KYNU: variants seen among roughly 807,000 people sequenced by gnomAD.
KYNU encodes the protein kynureninase.
KYNU carries 54 observed loss-of-function variants against 59.2 expected under a neutral mutation model. That is an observed-to-expected ratio of 0.91 (90% CI 0.73 to 1.14). The LOEUF (loss-of-function observed/expected upper bound fraction) is 1.14, where lower values mean the gene tolerates loss of function less well. Among genes scored for constraint, KYNU ranks in the 50% most tolerant of loss-of-function variants. The pLI is 0.00. For synonymous variants in KYNU, 177 were observed against 192.0 expected (o/e 0.92, Z 0.65); for missense variants, 567 against 554.4 (o/e 1.02, Z -0.23).
At chr2:142,912,986 C>T (rs1343440529) in intron 2 of KYNU, among the ~76,000 whole-genome samples, 1 of 152,166 alleles carries the variant, frequency 6.6e-6, no homozygotes, top group Non-Finnish European at 1.5e-5. Flanking sequence ...GCTGGGATTA[C>T]AGGCTGGAGC....
In KYNU at chr2:142,885,392, C is replaced by T. The variant is rs750469909; in HGVS notation, c.25C>T (p.Pro9Ser). 20 of 1,613,722 alleles carry T rather than the reference C, an allele frequency of 1.2e-5. No homozygotes were observed. Among genetic ancestry groups the T allele is most frequent in the Non-Finnish European group, 1.7e-5 (20 of 1,179,930 alleles). Residue 9 changes from proline (P) to serine (S), a missense_variant, in exon 2 of 14, where the codon CCG (proline) becomes TCG (serine). Pro to Ser is a moderately conservative substitution (Grantham distance 74). Transcript: ENST00000264170. ...AATGGAGCCTTCATCTCTTGAGCTG[C>T]CGGCTGACACAGTGCAGCGCATTGC... MEPSSLELPADTVQRIAAE... is the reference protein window; with the variant it reads MEPSSLELSADTVQRIAAE...
chr2:142,925,520 A>G (rs1272889112), intron 3 of KYNU, among the ~76,000 whole-genome samples: 1 of 152,210 alleles, frequency 6.6e-6, no homozygotes, highest in Admixed American at 6.5e-5. Flanking sequence ...TTCACATGTT[A>G]TCTCATTTAT....
intron 8 of KYNU, among the ~76,000 whole-genome samples, chr2:142,977,380 T>C (rs1262394963): frequency 6.7e-6 from 1 of 150,320 alleles, no homozygotes; most frequent in Non-Finnish European, 1.5e-5. Flanking sequence ...TGGATATATA[T>C]ATATATGAAT....
intron 8 of KYNU, among the ~76,000 whole-genome samples, chr2:142,978,313 A>G: frequency 6.6e-6 from 1 of 152,176 alleles, no homozygotes; most frequent in Admixed American, 6.6e-5. Flanking sequence ...CTTTTTAAAA[A>G]GTAATATTGT....
chr2:142,914,046 A>G (rs1353365265), intron 2 of KYNU, among the ~76,000 whole-genome samples: 1 of 152,206 alleles, frequency 6.6e-6, no homozygotes, highest in Non-Finnish European at 1.5e-5. Context: ...GCTGATGCCT[A>G]GCTGCTCAGG....
At chr2:143,027,486 C>T (rs990940598) in intron 10 of KYNU, among the ~76,000 whole-genome samples, 2 of 152,124 alleles carry the variant, frequency 1.3e-5, no homozygotes, top group African/African-American at 4.8e-5. Flanking sequence ...CTCCTGAATT[C>T]ATGGGGCACA....
At chr2:143,036,582 A>C (rs1364953792) in intron 12 of KYNU, among the ~76,000 whole-genome samples, 1 of 152,238 alleles carries the variant, frequency 6.6e-6, no homozygotes, top group African/African-American at 2.4e-5. Flanking sequence ...GGAGCTAAAA[A>C]CATAAAGTAT....
intron 11 of KYNU, among the ~76,000 whole-genome samples, chr2:143,032,006 GGT>G (rs937301818): frequency 6.6e-6 from 1 of 152,082 alleles, no homozygotes; most frequent in Non-Finnish European, 1.5e-5. Flanking sequence ...GGCCGGGCGT[GGT>G]GGCTCACGCC....
At chr2:142,930,432 G>A (rs1242130161) in intron 4 of KYNU, among the ~76,000 whole-genome samples, 2 of 152,140 alleles carry the variant, frequency 1.3e-5, no homozygotes, top group Non-Finnish European at 2.9e-5. Context: ...AGGGTCTCCA[G>A]ACTGCCATGA....
chr2:142,991,671 G>C (rs971362858), intron 10 of KYNU, among the ~76,000 whole-genome samples: 2 of 151,846 alleles, frequency 1.3e-5, no homozygotes, highest in African/African-American at 4.8e-5. Flanking sequence ...ATGGATGTGA[G>C]AACTCTTCTG....
At chr2:142,988,868 A>C (rs777811253) in intron 10 of KYNU, 3 of 1,608,564 alleles carry the variant, frequency 1.9e-6, no homozygotes, top group South Asian at 1.1e-5. Context: ...TTTAATTAGG[A>C]ATGGAATGCA....
Position 143,046,269 on chromosome 2 carries a change from AAT to A in KYNU, c.*4100_*4101del, listed in dbSNP as rs1206077686. The stretch of plus-strand genomic sequence containing the variant: ...TATTAGCTAATTTTGGTTGTGCATG[AAT>A]ATTGTATCAATGCAATTATACTGTA... On this transcript the variant is annotated 3_prime_UTR_variant, in exon 14 of 14. Coordinates refer to ENST00000264170, the MANE Select transcript of KYNU (RefSeq NM_003937.3). 1 of 152,170 alleles carries A rather than the reference AAT, an allele frequency of 6.6e-6. No homozygotes were observed. Among genetic ancestry groups the A allele is most frequent in the African/African-American group, 2.4e-5 (1 of 41,456 alleles). 9.4% of individuals were successfully genotyped at this position (152,170 alleles called of 1,614,324 possible). A position where few individuals can be genotyped will look rare whatever the true frequency, so the allele number is the denominator to read the frequency against.
intron 8 of KYNU, among the ~76,000 whole-genome samples, chr2:142,963,369 TA>T (rs1684415947): frequency 6.6e-6 from 1 of 152,178 alleles, no homozygotes; most frequent in South Asian, 2.1e-4. Flanking sequence ...CTGGGTAATT[TA>T]AAAACAACAT....
rs746653316 is a variant in KYNU at position 143,049,430 on chromosome 2, A to G, written c.*7258A>G. 2.6e-5 allele frequency: 4 copies of G among 152,126 alleles called. No individual in the cohort carries two copies. The highest frequency in any genetic ancestry group is 4.8e-5 in the African/African-American group (2 of 41,418). The allele number at this position is 152,126 out of a possible 1,614,324, so 9.4% of individuals were successfully genotyped here. On this transcript the variant is annotated 3_prime_UTR_variant, in exon 14 of 14. Coordinates refer to ENST00000264170, the MANE Select transcript of KYNU (RefSeq NM_003937.3). ...AAACTTTGGGGTCAGGCCACACACT[A>G]TAAAGGATTGGAAAAAAAAATGAAA...
chr2:142,947,386 A>G (rs1683826444), intron 4 of KYNU: 5 of 685,690 alleles, frequency 7.3e-6, no homozygotes, highest in Non-Finnish European at 7.0e-6. Flanking sequence ...TTTAAAAAAT[A>G]GTTGAAGACA....
In KYNU at chr2:143,043,347, G is replaced by A. The variant is rs1687107770; in HGVS notation, c.*1175G>A. ...TGGACTTACCTAGTTTTCAATTGTTGATGCCACAATCATTATTTATAAGTT... is the reference window on the plus strand; with the variant it reads ...TGGACTTACCTAGTTTTCAATTGTTAATGCCACAATCATTATTTATAAGTT... On this transcript the variant is annotated 3_prime_UTR_variant, in exon 14 of 14. Transcript: ENST00000264170. The A allele has an allele frequency of 6.6e-6, 1 of 151,908 alleles. No homozygotes were observed. The highest frequency in any genetic ancestry group is 1.5e-5 in the Non-Finnish European group (1 of 67,930). 9.4% of individuals were successfully genotyped at this position (151,908 alleles called of 1,614,324 possible). A position where few individuals can be genotyped will look rare whatever the true frequency, so the allele number is the denominator to read the frequency against.
At chr2:143,003,312 C>T (rs1327863961) in intron 10 of KYNU, among the ~76,000 whole-genome samples, 1 of 152,002 alleles carries the variant, frequency 6.6e-6, no homozygotes, top group African/African-American at 2.4e-5. Context: ...ACCTATAATC[C>T]CAGCACTTTG....
At chr2:143,028,944 C>CT (rs1446520246) in intron 10 of KYNU, among the ~76,000 whole-genome samples, 3 of 152,076 alleles carry the variant, frequency 2.0e-5, no homozygotes, top group African/African-American at 4.8e-5. Context: ...ATTGTATGGG[C>CT]TTTTTGGGTA....
Position 142,882,437 on chromosome 2 carries a change from G to A in KYNU, c.-19-2912G>A, listed in dbSNP as rs1028072425. ...GTCAGTTTGCTGCACCCATTAACTC[G>A]TCATTTACATTACATATTTCTCCTA... On this transcript the variant is annotated intron_variant, in intron 1 of 13. Transcript: ENST00000264170. Among the ~76,000 whole-genome samples the A allele has an allele frequency of 3.3e-5, 5 of 151,556 alleles. No homozygotes were observed. The South Asian group carries it at 6.3e-4, about 19-fold the overall frequency.
Sources: allele counts gnomAD v4.1 joint callset (sites outside exome capture counted in the v4.1 genomes callset), GRCh38; gene constraint gnomAD v4.1.1; transcripts MANE v1.5; gene names NCBI Gene and HGNC (gene_info 2026-07-23, HGNC 2026-07-21).